USH2A: variants seen among roughly 807,000 people sequenced by gnomAD.
The protein encoded by USH2A is usherin.
In USH2A, 443 loss-of-function variants were observed where a neutral mutation model predicts 538.9. The ratio of observed to expected loss-of-function variants is 0.82; its 90% CI spans 0.76 to 0.89. The LOEUF (loss-of-function observed/expected upper bound fraction) is 0.89, where lower values mean the gene tolerates loss of function less well. Among genes scored for constraint, USH2A ranks in the 40% least tolerant of loss-of-function variants. The pLI, the probability that USH2A is intolerant of heterozygous loss-of-function variation, is 0.00. For missense variants in USH2A, 6,633 were observed against 6,324.8 expected (o/e 1.05, Z -1.65); for synonymous variants, 2,413 against 2,273.5 (o/e 1.06, Z -1.75).
In USH2A at chr1:216,048,558, A is replaced by G. The variant is rs2102526664; in HGVS notation, c.6139T>C (p.Leu2047=). The G allele has an allele frequency of 6.2e-7, 1 of 1,614,110 alleles. No individual in the cohort carries two copies. Among genetic ancestry groups the G allele is most frequent in the Non-Finnish European group, 8.5e-7 (1 of 1,179,958 alleles). The change falls in exon 31 of 72, where the codon TTG becomes CTG. Residue 2047 remains leucine (L), a synonymous_variant. Transcript: ENST00000307340. ...LAGCTESSHA[L]NISTPQEAPQ... Reference sequence around the variant, plus strand: ...CCTTCTTGTGGAGTAGAGATGTTCAATGCATGTGAGCTCTCAGTACAGCCA... The same window carrying G: ...CCTTCTTGTGGAGTAGAGATGTTCAGTGCATGTGAGCTCTCAGTACAGCCA...
intron 38 of USH2A, among the ~76,000 whole-genome samples, chr1:215,933,660 T>G (rs1048290644): frequency 2.0e-5 from 3 of 151,934 alleles, no homozygotes; most frequent in Admixed American, 6.6e-5. Context: ...GCACTTTGTG[T>G]TCTTATACTC....
At chr1:216,147,666 G>A (rs201991876) in intron 21 of USH2A, among the ~76,000 whole-genome samples, 30,374 of 150,122 alleles carry the variant, frequency 0.2, 3,100 homozygotes, top group Admixed American at 0.24. Context: ...AATTAACCTC[G>A]CCTTCAAGGT....
At position 215,675,187 on chromosome 1, in the gene USH2A, T is replaced by G; in HGVS notation, c.12724A>C (p.Thr4242Pro). The change falls in exon 63 of 72, where the codon ACT becomes CCT. Residue 4242 changes from threonine (T) to proline (P), a missense_variant. Thr to Pro is a conservative substitution (Grantham distance 38). Transcript: ENST00000307340. ...CAGGTATGCCCAGCTGAATTCCAAG[T>G]GTAGATTTTATATTCACACTGCGTC... ...PWTQCEYKIY[T>P]WNSAGHTCSS... The G allele has an allele frequency of 6.2e-7, 1 of 1,614,058 alleles. No individual in the cohort carries two copies. Among genetic ancestry groups the G allele is most frequent in the Non-Finnish European group, 8.5e-7 (1 of 1,180,002 alleles).
At chr1:215,753,976 AG>A (rs1324821939) in intron 58 of USH2A, among the ~76,000 whole-genome samples, 2 of 152,336 alleles carry the variant, frequency 1.3e-5, no homozygotes, top group South Asian at 2.1e-4. Flanking sequence ...TTTGGATTTA[AG>A]GGTTAAGCCA....
At chr1:216,386,563 A>G (rs1360742668) in intron 3 of USH2A, among the ~76,000 whole-genome samples, 2 of 141,210 alleles carry the variant, frequency 1.4e-5, no homozygotes, top group Admixed American at 1.4e-4. Context: ...ATATATATAT[A>G]TATGCTGGGT....
Position 215,878,831 on chromosome 1 carries a change from G to A in USH2A, c.8491C>T (p.Pro2831Ser), listed in dbSNP as rs1664836742. 6.2e-7 allele frequency: 1 copy of A among 1,613,870 alleles called. No individual in the cohort carries two copies. Among genetic ancestry groups the A allele is most frequent in the African/African-American group, 1.3e-5 (1 of 74,876 alleles). The change falls in exon 42 of 72, where the codon CCA becomes TCA. Residue 2831 changes from proline (P) to serine (S), a missense_variant. Coordinates refer to ENST00000307340, the MANE Select transcript of USH2A (RefSeq NM_206933.4). ...PQNVGPLSVI[P>S]LSESYVVISW... ...ATCACAACATATGATTCACTTAGTG[G>A]AATCACAGACAATGGGCCAACATTC...
At chr1:216,265,930 G>C (rs1266029479) in intron 11 of USH2A, among the ~76,000 whole-genome samples, 1 of 151,996 alleles carries the variant, frequency 6.6e-6, no homozygotes, top group Non-Finnish European at 1.5e-5. Flanking sequence ...GGAGAGGCTG[G>C]TTAACAGATA....
At chr1:216,406,028 C>A (rs968585836) in intron 3 of USH2A, among the ~76,000 whole-genome samples, 1 of 152,068 alleles carries the variant, frequency 6.6e-6, no homozygotes, top group East Asian at 1.9e-4. Context: ...TTAGGGACAC[C>A]TGTGGCAGCA....
intron 36 of USH2A, among the ~76,000 whole-genome samples, chr1:215,965,829 C>T (rs749501092): frequency 5.3e-5 from 8 of 152,066 alleles, no homozygotes; most frequent in East Asian, 3.9e-4. Flanking sequence ...AAGAAATGCA[C>T]GCAGTCTGTT....
intron 20 of USH2A, among the ~76,000 whole-genome samples, chr1:216,182,603 A>G (rs2102647984): frequency 6.6e-6 from 1 of 152,222 alleles, no homozygotes; most frequent in Middle Eastern, 3.4e-3. Flanking sequence ...AGCATCTAAG[A>G]CAGATGCCAG....
At chr1:215,876,568 C>T (rs978383520) in intron 43 of USH2A, among the ~76,000 whole-genome samples, 2 of 152,108 alleles carry the variant, frequency 1.3e-5, no homozygotes, top group African/African-American at 2.4e-5. Flanking sequence ...TCACGAAGAC[C>T]GCACCCCTGC....
chr1:216,308,143 T>C (rs1006486400), intron 9 of USH2A, among the ~76,000 whole-genome samples: 1 of 152,202 alleles, frequency 6.6e-6, no homozygotes. Flanking sequence ...TTTTAAAATT[T>C]ATATAAGTGT....
chr1:215,993,097 C>A lies in USH2A; in HGVS notation c.6728G>T (p.Gly2243Val), dbSNP rs201526850. 4.5e-5 allele frequency: 73 copies of A among 1,613,910 alleles called. No homozygotes were observed. The highest frequency in any genetic ancestry group is 5.6e-5 in the Non-Finnish European group (66 of 1,179,990). Residue 2243 changes from glycine (G) to valine (V), a missense_variant, in exon 35 of 72, where the codon GGC becomes GTC. Coordinates refer to ENST00000307340, the MANE Select transcript of USH2A (RefSeq NM_206933.4). ...EALTDEDIPE[G>V]VPAPKAHSYS... ...TGAGTGGGCTTTGGGGGCTGGCACG[C>A]CTTCGGGTATGTCCTCGTCAGTTAG...
intron 61 of USH2A, among the ~76,000 whole-genome samples, chr1:215,683,762 T>G (rs1658322105): frequency 6.6e-6 from 1 of 152,030 alleles, no homozygotes; most frequent in African/African-American, 2.4e-5. Flanking sequence ...CTCCTTTTCC[T>G]CTATAGAGAT....
intron 3 of USH2A, among the ~76,000 whole-genome samples, chr1:216,410,849 C>A (rs910083083): frequency 9.9e-5 from 15 of 152,114 alleles, no homozygotes; most frequent in Non-Finnish European, 2.9e-5. Flanking sequence ...GCTGACCATT[C>A]ATTTGCATAT....
intron 11 of USH2A, among the ~76,000 whole-genome samples, chr1:216,254,858 C>T (rs4971261): frequency 0.56 from 85,576 of 152,048 alleles, 25,667 homozygotes; most frequent in East Asian, 0.72. Context: ...TAAATAAATA[C>T]GCAATTTTTA....
rs539339583 is a variant in USH2A at position 215,715,799 on chromosome 1, G to A, written c.12066+12231C>T. 2.6e-5 allele frequency among the ~76,000 whole-genome samples: 4 copies of A among 152,168 alleles called. No homozygotes were observed. In the East Asian group the frequency reaches 7.7e-4, roughly 29 times the overall value. ...GTCCTTCATGTAACAGTAGTTAAGC[G>A]CGGCAGAAGGACATCATTAGAGCCA... On this transcript the variant is annotated intron_variant, in intron 61 of 71. Transcript: ENST00000307340.
chr1:215,891,202 GGGAAA>G (rs1254792762), intron 40 of USH2A, among the ~76,000 whole-genome samples: 1 of 152,056 alleles, frequency 6.6e-6, no homozygotes, highest in Non-Finnish European at 1.5e-5. Context: ...CTCTTATCTT[GGGAAA>G]GGAGAGGTGT....
chr1:216,353,868 A>C (rs1371802411), intron 4 of USH2A, among the ~76,000 whole-genome samples: 1 of 152,166 alleles, frequency 6.6e-6, no homozygotes, highest in Non-Finnish European at 1.5e-5. Flanking sequence ...AAAAAACTAA[A>C]TGAATTAAAT....
Sources: gnomAD v4.1 joint callset for allele counts (sites outside exome capture counted in the v4.1 genomes callset) on GRCh38, gnomAD v4.1.1 for gene constraint, MANE v1.5 for transcripts, NCBI Gene and HGNC (gene_info 2026-07-23, HGNC 2026-07-21) for gene names.